Variants in PYGL observed in about 807,000 individuals in gnomAD.
The protein encoded by PYGL is glycogen phosphorylase, liver form.
In PYGL, 90 loss-of-function variants were observed where a neutral mutation model predicts 100.1. The observed-to-expected ratio is 0.90, with a 90% CI of 0.76 to 1.07. The LOEUF is 1.07. Among genes scored for constraint, PYGL ranks in the 50% least tolerant of loss-of-function variants. PYGL has a pLI of 0.00. For missense variants in PYGL, 1,016 were observed against 1,057.6 expected, an observed-to-expected ratio of 0.96 and a Z score of 0.55; for synonymous variants, 373 against 393.0, an observed-to-expected ratio of 0.95 and a Z score of 0.60.
In PYGL at chr14:50,935,185, G is replaced by A. The variant is rs751015932; in HGVS notation, c.346C>T (p.Leu116Phe). 3 of 1,608,378 alleles carry A rather than the reference G, an allele frequency of 1.9e-6. No homozygotes were observed. Among genetic ancestry groups the A allele is most frequent in the Non-Finnish European group, 1.7e-6 (2 of 1,174,914 alleles). Residue 116 changes from leucine (L) to phenylalanine (F), a missense_variant and splice_region_variant, in exon 3 of 20, where the codon CTT becomes TTT. By Grantham distance (22) the Leu-to-Phe change is conservative. Transcript: ENST00000216392. ...TCTAACTCTTCTATATCCAATCCAA[G>A]CTGGTAATGAAAGGAAAACAATATT... ...QNACDEAIYQ[L>F]GLDIEELEEI...
rs556404496 is a variant in PYGL, at chr14:50,911,774, T to G, written c.1925A>C (p.Lys642Thr). ...TCTGTAGTTCTCCAAGAAGATGACTTTCAACTTGCTTCCAACCATAGGGTC... is the reference window on the plus strand; with the variant it reads ...TCTGTAGTTCTCCAAGAAGATGACTGTCAACTTGCTTCCAACCATAGGGTC... Reference protein sequence around the residue: ...NNDPMVGSKLKVIFLENYRVS... With the variant: ...NNDPMVGSKLTVIFLENYRVS... Residue 642 changes from lysine (K) to threonine (T), a missense_variant, in exon 16 of 20, where the codon AAA (lysine) becomes ACA (threonine). Lys to Thr is a moderately conservative substitution (Grantham distance 78). Coordinates refer to ENST00000216392, the MANE Select transcript of PYGL (RefSeq NM_002863.5). 5 of 1,614,192 alleles carry G rather than the reference T, an allele frequency of 3.1e-6. No homozygotes were observed. The African/African-American group carries it at 6.7e-5, about 22-fold the overall frequency.
chr14:50,916,505 C>G, intron 9 of PYGL, 137 bp downstream of exon 9: 1 of 798,936 alleles, frequency 1.3e-6, no homozygotes, highest in Non-Finnish European at 2.1e-6. Context: ...ATGTCAGCGT[C>G]AGGGAAAATA....
intron 19 of PYGL, among the ~76,000 whole-genome samples, chr14:50,905,888 G>A (rs2027341): frequency 0.23 from 35,407 of 152,184 alleles, 4,723 homozygotes; most frequent in East Asian, 0.52. Context: ...GAATGAAGAT[G>A]CTTCCCTTTA....
intron 17 of PYGL, among the ~76,000 whole-genome samples, chr14:50,909,462 T>G (rs1447409385): frequency 6.6e-6 from 1 of 152,186 alleles, no homozygotes; most frequent in Non-Finnish European, 1.5e-5. Flanking sequence ...GAAGTGAAAA[T>G]AAATGTTTCC....
At chr14:50,923,909 T>C (rs2050523787) in intron 5 of PYGL, 60 bp downstream of exon 5, 1 of 1,542,704 alleles carries the variant, frequency 6.5e-7, no homozygotes, top group Admixed American at 1.7e-5. Context: ...ACATAGTCAA[T>C]GTATTATCTA....
chr14:50,915,352 T>A lies in PYGL; in HGVS notation c.1387A>T (p.Ile463Phe). The change falls in exon 11 of 20, where the codon ATC (isoleucine) becomes TTC (phenylalanine). Residue 463 changes from isoleucine to phenylalanine, a missense_variant. Transcript: ENST00000216392. ...VNGVAKIHSD[I>F]VKTKVFKDFS... ...GAGGCTCACACTTTAGTCTTCACGA[T>A]GTCTGAGTGGATTTTAGCCACGCCA... 6.2e-7 allele frequency: 1 copy of A among 1,614,214 alleles called. No individual in the cohort carries two copies. Among genetic ancestry groups the A allele is most frequent in the Non-Finnish European group, 8.5e-7 (1 of 1,180,024 alleles).
intron 8 of PYGL, 72 bp downstream of exon 8, chr14:50,916,890 G>T: frequency 6.3e-7 from 1 of 1,575,004 alleles, no homozygotes; most frequent in Admixed American, 1.7e-5. Flanking sequence ...TGAGAGAGAG[G>T]AATTAATCTG....
At chr14:50,935,640 G>A (rs2139195419) in intron 2 of PYGL, among the ~76,000 whole-genome samples, 1 of 152,274 alleles carries the variant, frequency 6.6e-6, no homozygotes, top group East Asian at 1.9e-4. Context: ...GTACAGTAGG[G>A]TTAAAACCTC....
At chr14:50,922,447 A>G (rs142574575) in intron 5 of PYGL, among the ~76,000 whole-genome samples, 660 of 152,322 alleles carry the variant, frequency 4.3e-3, no homozygotes, top group Non-Finnish European at 6.9e-3. Context: ...CTGGACTTTT[A>G]AAGCAAGTTG....
intron 12 of PYGL, 178 bp from the exon 13 acceptor site, chr14:50,913,308 T>C (rs1566502060): frequency 3.9e-6 from 2 of 508,196 alleles, no homozygotes; most frequent in Non-Finnish European, 7.1e-6. Context: ...AGAACACTTT[T>C]GCTAGTATCT....
rs772006998 is a variant in PYGL at position 50,915,288 on chromosome 14, C to T, written c.1403+48G>A. ...AACCCTGCATTTAGTAGCATCATTC[C>T]ATTAATGGATCAGTGTCAGACCCAC... On this transcript the variant is annotated intron_variant, in intron 11 of 19. Coordinates refer to ENST00000216392, the MANE Select transcript of PYGL (RefSeq NM_002863.5). The T allele has an allele frequency of 5.5e-5, 88 of 1,597,858 alleles. 1 individual carries two copies. The South Asian group carries it at 9.5e-4, about 17-fold the overall frequency.
chr14:50,913,622 C>T (rs1217667777), intron 12 of PYGL, among the ~76,000 whole-genome samples: 1 of 152,118 alleles, frequency 6.6e-6, no homozygotes, highest in Non-Finnish European at 1.5e-5. Flanking sequence ...GATCTGCCCT[C>T]CTCGGCCTCC....
At chr14:50,934,090 T>C (rs546831236) in intron 3 of PYGL, among the ~76,000 whole-genome samples, 5 of 152,232 alleles carry the variant, frequency 3.3e-5, no homozygotes, top group Non-Finnish European at 7.3e-5. Context: ...TACTTGGTTA[T>C]AGAGATGTGT....
chr14:50,938,841 C>T (rs1237300040), intron 1 of PYGL, among the ~76,000 whole-genome samples: 6 of 152,070 alleles, frequency 3.9e-5, no homozygotes, highest in East Asian at 3.9e-4. Context: ...AGAAGTCAGA[C>T]GGCCATAGCT....
intron 18 of PYGL, 88 bp downstream of exon 18, chr14:50,908,733 T>C (rs2050359043): frequency 1.3e-6 from 2 of 1,503,234 alleles, no homozygotes; most frequent in South Asian, 1.1e-5. Flanking sequence ...GTTTAAGATT[T>C]TCTTGTTGGT....
intron 5 of PYGL, chr14:50,921,333 G>A (rs1401836257): frequency 2.2e-6 from 1 of 454,008 alleles, no homozygotes; most frequent in Non-Finnish European, 4.0e-6. Flanking sequence ...CTCTCCATGT[G>A]CCCTTGCCCT....
At position 50,915,341 on chromosome 14, in the gene PYGL, A is replaced by G; in HGVS notation, c.1398T>C (p.Thr466=). 1 of 1,614,124 alleles carries G rather than the reference A, an allele frequency of 6.2e-7. No homozygotes were observed. The highest frequency in any genetic ancestry group is 2.2e-5 in the East Asian group (1 of 44,884). ...CCAGAGTAATGGAGGCTCACACTTT[A>G]GTCTTCACGATGTCTGAGTGGATTT... ...VAKIHSDIVK[T]KVFKDFSELE... Residue 466 remains threonine, a synonymous_variant, in exon 11 of 20, where the codon ACT becomes ACC. Transcript: ENST00000216392.
intron 16 of PYGL, among the ~76,000 whole-genome samples, chr14:50,911,273 G>A (rs1242236298): frequency 6.6e-6 from 1 of 152,234 alleles, no homozygotes; most frequent in East Asian, 1.9e-4. Flanking sequence ...TCTAAGCCTC[G>A]TGCTTTGGCA....
chr14:50,912,428 A>C, intron 13 of PYGL, 125 bp from the exon 14 acceptor site: 18 of 1,178,654 alleles, frequency 1.5e-5, no homozygotes, highest in South Asian at 2.5e-5. Context: ...GCATGATCTC[A>C]GATCACCGCA....
Sources: gnomAD v4.1 joint callset for allele counts (sites outside exome capture counted in the v4.1 genomes callset) on GRCh38, gnomAD v4.1.1 for gene constraint, MANE v1.5 for transcripts, NCBI Gene and HGNC (gene_info 2026-07-23, HGNC 2026-07-21) for gene names.